Variants in ACTR3B observed in about 807,000 individuals in gnomAD.
ACTR3B encodes the protein actin related protein 3B.
Under a neutral mutation model 59.0 loss-of-function variants are expected in ACTR3B, and 8 were observed. The observed-to-expected ratio is 0.14, with a 90% CI of 0.08 to 0.24. The LOEUF (loss-of-function observed/expected upper bound fraction) is 0.24. ACTR3B is among the 10% of genes least tolerant of loss of function. ACTR3B has a pLI of 1.00. For synonymous variants in ACTR3B, 148 were observed against 197.9 expected (o/e 0.75, Z 2.12); for missense variants, 245 against 552.3 (o/e 0.44, Z 5.58).
intron 1 of ACTR3B, among the ~76,000 whole-genome samples, chr7:152,774,776 T>C (rs943210721): frequency 2.0e-5 from 3 of 152,220 alleles, no homozygotes; most frequent in African/African-American, 7.2e-5. Context: ...TTCTTCGTTC[T>C]ATAGAGACTA....
intron 4 of ACTR3B, chr7:152,811,376 C>G (rs1330353673): frequency 6.7e-6 from 1 of 149,998 alleles, no homozygotes; most frequent in South Asian, 2.1e-4. Context: ...TGAGGAGACT[C>G]AGGGAGAGAG....
In ACTR3B at chr7:152,848,435, G is replaced by A. The variant is rs547362003; in HGVS notation, c.952-3691G>A. Among the ~76,000 whole-genome samples, 6 of 152,310 alleles carry A rather than the reference G, an allele frequency of 3.9e-5. No homozygotes were observed. In the East Asian group the frequency reaches 1.2e-3, roughly 29 times the overall value. On this transcript the variant is annotated intron_variant, in intron 9 of 11. Transcript: ENST00000256001. ...GTTTTAAAGGAGTTGTCTGTGGTGGGCTTTAAAAAAGCAAATGAAAAACAA... is the reference window on the plus strand; with the variant it reads ...GTTTTAAAGGAGTTGTCTGTGGTGGACTTTAAAAAAGCAAATGAAAAACAA...
chr7:152,851,160 G>A (rs1401148908), intron 9 of ACTR3B, among the ~76,000 whole-genome samples: 1 of 152,088 alleles, frequency 6.6e-6, no homozygotes, highest in East Asian at 1.9e-4. Flanking sequence ...TAGAAATTAG[G>A]CACAGTAAGA....
rs150870767 is a variant in ACTR3B, at chr7:152,760,117, G to C, written c.44+191G>C. Among the ~76,000 whole-genome samples, 660 of 152,264 alleles carry C rather than the reference G, an allele frequency of 4.3e-3. 2 individuals carry two copies. The highest frequency in any genetic ancestry group is 0.015 in the African/African-American group (607 of 41,554). ...GACGTCGTAAAACCCCCTCTTCCCTGCCGGGAAGGGCCACAAGAGGAAAAG... is the reference window on the plus strand; with the variant it reads ...GACGTCGTAAAACCCCCTCTTCCCTCCCGGGAAGGGCCACAAGAGGAAAAG... On this transcript the variant is annotated intron_variant, in intron 1 of 11. Coordinates refer to ENST00000256001, the MANE Select transcript of ACTR3B (RefSeq NM_020445.6).
At chr7:152,837,470 A>G (rs973634012) in intron 9 of ACTR3B, among the ~76,000 whole-genome samples, 5 of 152,242 alleles carry the variant, frequency 3.3e-5, no homozygotes, top group African/African-American at 4.8e-5. Flanking sequence ...ATAAGCTCAG[A>G]CAACGTTTTA....
At chr7:152,809,359 A>G (rs2098262140) in intron 4 of ACTR3B, among the ~76,000 whole-genome samples, 1 of 151,814 alleles carries the variant, frequency 6.6e-6, no homozygotes, top group African/African-American at 2.4e-5. Context: ...TGAAGAAGTG[A>G]TGCACACACA....
chr7:152,805,689 A>G (rs1289376837), intron 4 of ACTR3B, among the ~76,000 whole-genome samples: 8 of 152,066 alleles, frequency 5.3e-5, no homozygotes, highest in African/African-American at 1.9e-4. Flanking sequence ...TGCCTTGTGC[A>G]CTTCACTAAC....
chr7:152,829,403 G>T (rs1351326285), intron 9 of ACTR3B, among the ~76,000 whole-genome samples: 1 of 152,186 alleles, frequency 6.6e-6, no homozygotes, highest in Non-Finnish European at 1.5e-5. Flanking sequence ...GCTTCTGTGA[G>T]TTTGACTAAA....
At chr7:152,819,330 C>T (rs1380846421) in intron 6 of ACTR3B, among the ~76,000 whole-genome samples, 1 of 152,242 alleles carries the variant, frequency 6.6e-6, no homozygotes, top group Non-Finnish European at 1.5e-5. Flanking sequence ...CGTTTCACTT[C>T]TGTTCCCTTC....
intron 9 of ACTR3B, among the ~76,000 whole-genome samples, chr7:152,830,244 GCGGTGCCTGTTTTGACCAGAGCCTA>G (rs1351786627): frequency 6.6e-6 from 1 of 152,150 alleles, no homozygotes; most frequent in Non-Finnish European, 1.5e-5. Flanking sequence ...GCAGATGCCT[GCGGTGCCTGTTTTGACCAGAGCCTA>G]CGGTGGTGGG....
intron 4 of ACTR3B, among the ~76,000 whole-genome samples, chr7:152,807,733 A>G (rs1355194257): frequency 1.3e-5 from 2 of 152,186 alleles, no homozygotes; most frequent in Non-Finnish European, 2.9e-5. Flanking sequence ...CTTTGACCTT[A>G]TACATTTTTC....
intron 9 of ACTR3B, among the ~76,000 whole-genome samples, chr7:152,830,535 T>C (rs1039041154): frequency 3.3e-5 from 5 of 152,202 alleles, no homozygotes; most frequent in African/African-American, 7.2e-5. Context: ...AAATGAGTTA[T>C]AGATATAAAA....
chr7:152,825,787 A>G (rs1796524653), intron 9 of ACTR3B, among the ~76,000 whole-genome samples: 1 of 152,316 alleles, frequency 6.6e-6, no homozygotes, highest in Middle Eastern at 3.4e-3. Context: ...GTTTGGTGCC[A>G]ATGTGGTGTC....
chr7:152,836,784 G>A (rs1797496192), intron 9 of ACTR3B, among the ~76,000 whole-genome samples: 1 of 152,182 alleles, frequency 6.6e-6, no homozygotes, highest in Non-Finnish European at 1.5e-5. Context: ...TAAGTAAAGG[G>A]ATTTTATTTT....
Position 152,820,338 on chromosome 7 carries a change from C to T in ACTR3B, c.580C>T (p.Pro194Ser). ...YVIGSCIKHIPIAGRDITYFI... is the reference protein window; with the variant it reads ...YVIGSCIKHISIAGRDITYFI... ...AATTGGAAGCTGCATCAAACACATC[C>T]CGATTGCAGGTAGAGATATTACGTA... The change falls in exon 7 of 12, where the codon CCG (proline) becomes TCG (serine). Residue 194 changes from proline to serine, a missense_variant. Physicochemically the swap from Pro to Ser is moderately conservative, Grantham distance 74. This residue lies in a region of ACTR3B where 12 missense variants were observed against 68.7 expected (regional missense o/e 0.17). Coordinates refer to ENST00000256001, the MANE Select transcript of ACTR3B (RefSeq NM_020445.6). 1 of 1,608,032 alleles carries T rather than the reference C, an allele frequency of 6.2e-7. No individual in the cohort carries two copies. Among genetic ancestry groups the T allele is most frequent in the Non-Finnish European group, 8.5e-7 (1 of 1,174,928 alleles).
intron 9 of ACTR3B, among the ~76,000 whole-genome samples, chr7:152,834,737 C>T (rs1797310318): frequency 6.6e-6 from 1 of 152,216 alleles, no homozygotes; most frequent in African/African-American, 2.4e-5. Context: ...GACATGTATG[C>T]TTTTCTGGCA....
At chr7:152,799,957 AT>A (rs1289678166) in intron 2 of ACTR3B, among the ~76,000 whole-genome samples, 3 of 152,194 alleles carry the variant, frequency 2.0e-5, no homozygotes, top group Non-Finnish European at 4.4e-5. Context: ...AATATTTGGA[AT>A]TTTTATGTAA....
At chr7:152,782,279 C>T (rs922978374) in intron 1 of ACTR3B, among the ~76,000 whole-genome samples, 43 of 148,544 alleles carry the variant, frequency 2.9e-4, no homozygotes, top group African/African-American at 9.5e-4. Context: ...TACAGAATGA[C>T]GGCTTGGTTG....
At chr7:152,772,724 A>C (rs1342723641) in intron 1 of ACTR3B, among the ~76,000 whole-genome samples, 1 of 133,320 alleles carries the variant, frequency 7.5e-6, no homozygotes, top group African/African-American at 2.8e-5. Flanking sequence ...TGAGGGCTCC[A>C]GAAATAGAAA....
Sources: gnomAD v4.1 joint callset for allele counts (sites outside exome capture counted in the v4.1 genomes callset) on GRCh38, gnomAD v4.1.1 for gene constraint, gnomAD v4.1.1 regional missense constraint, MANE v1.5 for transcripts, NCBI Gene and HGNC (gene_info 2026-07-23, HGNC 2026-07-21) for gene names.